The following MYO3B variants were observed in gnomAD, a reference collection of about 807,000 sequenced individuals.
The protein encoded by MYO3B is myosin IIIB, also known as myosin-IIIb.
Under a neutral mutation model 174.6 loss-of-function variants are expected in MYO3B, and 156 were observed. The observed-to-expected ratio is 0.89, with a 90% CI of 0.78 to 1.02. MYO3B has a LOEUF of 1.02. MYO3B is among the 50% of genes least tolerant of loss of function. MYO3B has a pLI of 0.00. For synonymous variants in MYO3B, 563 were observed against 569.1 expected (o/e 0.99, Z 0.15); for missense variants, 1,632 against 1,639.4 (o/e 1.00, Z 0.08).
At chr2:170,292,144 T>G (rs2093600759) in intron 7 of MYO3B, among the ~76,000 whole-genome samples, 1 of 152,208 alleles carries the variant, frequency 6.6e-6, no homozygotes, top group Admixed American at 6.5e-5. Flanking sequence ...TCTCTGACTG[T>G]GTATTTTCAA....
intron 7 of MYO3B, among the ~76,000 whole-genome samples, chr2:170,253,664 A>C (rs1348194815): frequency 6.6e-6 from 1 of 152,144 alleles, no homozygotes; most frequent in African/African-American, 2.4e-5. Context: ...TTTATAGATA[A>C]GAAAGATGAA....
intron 32 of MYO3B, among the ~76,000 whole-genome samples, chr2:170,638,700 C>G (rs1353939770): frequency 3.3e-5 from 5 of 152,214 alleles, no homozygotes; most frequent in Non-Finnish European, 7.3e-5. Flanking sequence ...GATGTTCACA[C>G]ACTGGGAAAG....
chr2:170,509,413 T>G (rs560609850), intron 28 of MYO3B, among the ~76,000 whole-genome samples: 29 of 152,324 alleles, frequency 1.9e-4, no homozygotes, highest in African/African-American at 6.7e-4. Context: ...TTCTTTCATT[T>G]CTGGAGAAAA....
intron 22 of MYO3B, among the ~76,000 whole-genome samples, chr2:170,443,509 G>A (rs978867988): frequency 7.2e-5 from 11 of 151,994 alleles, no homozygotes; most frequent in African/African-American, 2.7e-4. Flanking sequence ...GATCCCATTT[G>A]TCAATTTTGG....
intron 32 of MYO3B, among the ~76,000 whole-genome samples, chr2:170,616,826 GTTCT>G (rs1402175184): frequency 6.6e-6 from 1 of 152,158 alleles, no homozygotes; most frequent in Non-Finnish European, 1.5e-5. Context: ...TCAAAAATCT[GTTCT>G]TTTAGTTTGC....
At chr2:170,393,906 C>T (rs1185655786) in intron 16 of MYO3B, among the ~76,000 whole-genome samples, 1 of 151,984 alleles carries the variant, frequency 6.6e-6, no homozygotes, top group Non-Finnish European at 1.5e-5. Context: ...TGTTAAAGGA[C>T]CTTTGTGGTT....
intron 8 of MYO3B, among the ~76,000 whole-genome samples, chr2:170,362,410 A>G (rs144506655): frequency 2.6e-5 from 4 of 152,160 alleles, no homozygotes; most frequent in African/African-American, 9.6e-5. Flanking sequence ...TCACTTGTTT[A>G]TCTTTCCAAC....
At chr2:170,399,375 G>A (rs998492490) in intron 16 of MYO3B, among the ~76,000 whole-genome samples, 1 of 150,900 alleles carries the variant, frequency 6.6e-6, no homozygotes, top group Non-Finnish European at 1.5e-5. Context: ...TTGGAAGGCT[G>A]AGGCAGGAGA....
chr2:170,314,351 G>A (rs916079803), intron 7 of MYO3B, among the ~76,000 whole-genome samples: 1 of 152,176 alleles, frequency 6.6e-6, no homozygotes, highest in African/African-American at 2.4e-5. Flanking sequence ...AAATGTCCAA[G>A]CTGCATTCAT....
At chr2:170,508,270 C>T (rs1489144419) in intron 28 of MYO3B, among the ~76,000 whole-genome samples, 2 of 152,170 alleles carry the variant, frequency 1.3e-5, no homozygotes, top group African/African-American at 2.4e-5. Flanking sequence ...ATCTTTGCCA[C>T]CTCAACACAG....
chr2:170,606,336 A>G (rs570599632), intron 32 of MYO3B, among the ~76,000 whole-genome samples: 59 of 152,268 alleles, frequency 3.9e-4, no homozygotes, highest in African/African-American at 1.4e-3. Flanking sequence ...CACTGGGCAG[A>G]TCTGATCTGC....
At chr2:170,232,459 G>A (rs949461147) in intron 6 of MYO3B, among the ~76,000 whole-genome samples, 2 of 152,222 alleles carry the variant, frequency 1.3e-5, no homozygotes, top group East Asian at 3.8e-4. Context: ...AGATGGAGTT[G>A]AAATGACAAA....
intron 30 of MYO3B, among the ~76,000 whole-genome samples, chr2:170,535,939 C>T (rs1015088668): frequency 4.6e-5 from 7 of 152,224 alleles, no homozygotes; most frequent in African/African-American, 1.7e-4. Flanking sequence ...TCTCAGCTCC[C>T]TTGGTTGCTG....
chr2:170,354,189 T>C (rs1162229780), intron 8 of MYO3B, among the ~76,000 whole-genome samples: 3 of 152,216 alleles, frequency 2.0e-5, no homozygotes, highest in Non-Finnish European at 4.4e-5. Context: ...TTGGAAGAGA[T>C]CCAAGAAGTG....
chr2:170,532,995 TTAATA>T (rs1689457060), intron 30 of MYO3B, among the ~76,000 whole-genome samples: 2 of 152,166 alleles, frequency 1.3e-5, no homozygotes, highest in Non-Finnish European at 2.9e-5. Context: ...ATCTTTTCTA[TTAATA>T]TAATTAAATC....
At chr2:170,506,283 A>G (rs568136395) in intron 28 of MYO3B, among the ~76,000 whole-genome samples, 1 of 152,378 alleles carries the variant, frequency 6.6e-6, no homozygotes, top group African/African-American at 2.4e-5. Flanking sequence ...TTTTTGGTGT[A>G]TAAAACTGCC....
At chr2:170,436,388 T>C (rs2094754064) in intron 22 of MYO3B, among the ~76,000 whole-genome samples, 2 of 152,222 alleles carry the variant, frequency 1.3e-5, no homozygotes, top group South Asian at 4.1e-4. Context: ...CTATTGTTTA[T>C]TCATGCTGTA....
chr2:170,446,123 G>A (rs753271546), intron 23 of MYO3B, among the ~76,000 whole-genome samples: 1 of 152,204 alleles, frequency 6.6e-6, no homozygotes, highest in Non-Finnish European at 1.5e-5. Flanking sequence ...TGCGTCAGGG[G>A]ACTGAGCATT....
At chr2:170,405,398 T>C in intron 20 of MYO3B, 147 bp from the exon 21 acceptor site, 1 of 652,824 alleles carries the variant, frequency 1.5e-6, no homozygotes, top group Non-Finnish European at 2.7e-6. Flanking sequence ...ATGCCCATCA[T>C]ATCGGTGATC....
Sources: allele counts gnomAD v4.1 joint callset (sites outside exome capture counted in the v4.1 genomes callset), GRCh38; gene constraint gnomAD v4.1.1; transcripts MANE v1.5; gene names NCBI Gene and HGNC (gene_info 2026-07-23, HGNC 2026-07-21).